The following KLHDC1 variants were observed in gnomAD, a reference collection of about 807,000 sequenced individuals.
KLHDC1 encodes the protein kelch domain containing 1, also known as kelch domain-containing protein 1.
In KLHDC1, 53 loss-of-function variants were observed where a neutral mutation model predicts 68.3. The ratio of observed to expected loss-of-function variants is 0.78; its 90% confidence interval spans 0.62 to 0.98. The LOEUF (loss-of-function observed/expected upper bound fraction) is 0.98. Among genes scored for constraint, KLHDC1 ranks in the 50% least tolerant of loss-of-function variants. The probability of loss-of-function intolerance (pLI) is 0.00; values close to 1 mark genes in which losing one functional copy is unlikely to be tolerated. For missense variants in KLHDC1, 470 were observed against 492.3 expected (o/e 0.95, Z 0.43); for synonymous variants, 148 against 159.0 (o/e 0.93, Z 0.52).
intron 1 of KLHDC1, among the ~76,000 whole-genome samples, chr14:49,695,238 G>T (rs1887706972): frequency 6.6e-6 from 1 of 151,888 alleles, no homozygotes; most frequent in Non-Finnish European, 1.5e-5. Context: ...TTACAGGTGT[G>T]CACCACCATG....
At chr14:49,696,625 G>A (rs1390259258) in intron 1 of KLHDC1, among the ~76,000 whole-genome samples, 1 of 152,194 alleles carries the variant, frequency 6.6e-6, no homozygotes, top group Non-Finnish European at 1.5e-5. Context: ...TCAGGCCTAA[G>A]GGAATGTTGT....
At chr14:49,713,838 A>ATT (rs1566602988) in intron 4 of KLHDC1, among the ~76,000 whole-genome samples, 2 of 6,168 alleles carry the variant, frequency 3.2e-4, no homozygotes, top group African/African-American at 4.1e-4. Context: ...ATATATATAT[A>ATT]TATATATATA....
Position 49,693,748 on chromosome 14 carries a change from C to CTTTTTTT in KLHDC1, c.96+468_96+474dup, listed in dbSNP as rs1231129663. 1.8e-3 allele frequency among the ~76,000 whole-genome samples: 111 copies of CTTTTTTT among 61,562 alleles called. 24 individuals carry two copies. Among genetic ancestry groups the CTTTTTTT allele is most frequent in the Middle Eastern group, 0.022 (2 of 92 alleles). The allele number at this position is 61,562 out of a possible 152,430, so 40.4% of individuals were successfully genotyped here. ...TAAATATTTATTTTCTTTTCTTTTT[C>CTTTTTTT]TTTTTTTTTTTTTTTTGAGATGGAG... On this transcript the variant is annotated intron_variant, in intron 1 of 12. Transcript: ENST00000359332.
intron 4 of KLHDC1, among the ~76,000 whole-genome samples, chr14:49,715,505 G>A (rs906551316): frequency 2.0e-5 from 3 of 151,190 alleles, no homozygotes; most frequent in African/African-American, 4.8e-5. Flanking sequence ...CCAGCACTTT[G>A]GGAGGCCAAG....
intron 4 of KLHDC1, among the ~76,000 whole-genome samples, chr14:49,716,160 C>T (rs7145977): frequency 0.045 from 6,909 of 152,148 alleles, 527 homozygotes; most frequent in African/African-American, 0.16. Context: ...AGCATAGGCT[C>T]GTATAAAGGG....
At chr14:49,711,037 G>C (rs1010991294) in intron 4 of KLHDC1, among the ~76,000 whole-genome samples, 12 of 151,394 alleles carry the variant, frequency 7.9e-5, no homozygotes, top group Non-Finnish European at 1.8e-4. Flanking sequence ...CTGTTGCTCA[G>C]GCTGGAGTGC....
intron 3 of KLHDC1, among the ~76,000 whole-genome samples, 184 bp from the exon 4 acceptor site, chr14:49,710,078 GT>G (rs994090350): frequency 2.5e-4 from 38 of 151,950 alleles, no homozygotes; most frequent in African/African-American, 8.7e-4. Context: ...ATTTTAATAT[GT>G]TTTATATATC....
At chr14:49,710,620 T>C (rs918737912) in intron 4 of KLHDC1, among the ~76,000 whole-genome samples, 2 of 152,220 alleles carry the variant, frequency 1.3e-5, no homozygotes, top group Admixed American at 6.5e-5. Flanking sequence ...TACTTTCATA[T>C]ATTACTCATT....
chr14:49,725,952 G>C (rs529982044), intron 6 of KLHDC1, among the ~76,000 whole-genome samples, 183 bp downstream of exon 6: 1 of 152,116 alleles, frequency 6.6e-6, no homozygotes, highest in East Asian at 1.9e-4. Flanking sequence ...GGTTCAGGTG[G>C]TTCTCCTGCC....
At chr14:49,748,717 G>T (rs1471969459) in intron 12 of KLHDC1, among the ~76,000 whole-genome samples, 3 of 151,680 alleles carry the variant, frequency 2.0e-5, no homozygotes, top group Non-Finnish European at 4.4e-5. Flanking sequence ...AGCCATCGTA[G>T]GGGGTATATA....
intron 1 of KLHDC1, among the ~76,000 whole-genome samples, chr14:49,698,666 C>T (rs529659062): frequency 6.6e-6 from 1 of 151,850 alleles, no homozygotes; most frequent in Non-Finnish European, 1.5e-5. Flanking sequence ...CAGGCACATG[C>T]CACCACGCCC....
chr14:49,713,838 ATATATATATATATTTTT>A (rs1888291649), intron 4 of KLHDC1, among the ~76,000 whole-genome samples: 1 of 6,168 alleles, frequency 1.6e-4, no homozygotes, highest in Admixed American at 3.1e-3. Flanking sequence ...ATATATATAT[ATATATATATATATTTTT>A]TTTTTTTTTT....
chr14:49,698,955 G>T (rs1269441252), intron 1 of KLHDC1, among the ~76,000 whole-genome samples: 1 of 151,704 alleles, frequency 6.6e-6, no homozygotes, highest in East Asian at 2.0e-4. Context: ...ACGAGGGCAG[G>T]AGATCGAGAC....
At chr14:49,725,838 GT>G (rs961260598) in intron 6 of KLHDC1, 69 bp downstream of exon 6, 112 of 765,078 alleles carry the variant, frequency 1.5e-4, no homozygotes, top group South Asian at 1.7e-4. Context: ...TGGATTTTGG[GT>G]TTTTTTTTGT....
chr14:49,743,138 T>C (rs1889107873), intron 11 of KLHDC1, among the ~76,000 whole-genome samples: 2 of 148,842 alleles, frequency 1.3e-5, no homozygotes, highest in African/African-American at 5.0e-5. Flanking sequence ...GGCTCACGCC[T>C]GTAATCACAA....
At chr14:49,696,174 T>C (rs1250729240) in intron 1 of KLHDC1, among the ~76,000 whole-genome samples, 1 of 151,728 alleles carries the variant, frequency 6.6e-6, no homozygotes, top group Admixed American at 6.6e-5. Flanking sequence ...ACATGCTGCT[T>C]CACCTTGCAC....
At chr14:49,715,145 C>T (rs1265105840) in intron 4 of KLHDC1, among the ~76,000 whole-genome samples, 7 of 146,910 alleles carry the variant, frequency 4.8e-5, no homozygotes, top group African/African-American at 1.7e-4. Flanking sequence ...TTTTCTGAGA[C>T]AGAGTCTCAT....
At chr14:49,704,461 T>TGG (rs1887996218) in intron 1 of KLHDC1, among the ~76,000 whole-genome samples, 1 of 136,820 alleles carries the variant, frequency 7.3e-6, no homozygotes, top group Non-Finnish European at 1.5e-5. Flanking sequence ...TGGCGCAATC[T>TGG]GGGGTCACTG....
chr14:49,699,252 T>C (rs1887832700), intron 1 of KLHDC1, among the ~76,000 whole-genome samples: 1 of 151,758 alleles, frequency 6.6e-6, no homozygotes, highest in Non-Finnish European at 1.5e-5. Flanking sequence ...ATTCAGTCAG[T>C]AGAGATGCTG....
Sources: allele counts gnomAD v4.1 joint callset (sites outside exome capture counted in the v4.1 genomes callset), GRCh38; gene constraint gnomAD v4.1.1; transcripts MANE v1.5; gene names NCBI Gene and HGNC (gene_info 2026-07-23, HGNC 2026-07-21).